Variants in PNPT1 observed in about 807,000 individuals in gnomAD.
PNPT1 encodes the protein polyribonucleotide nucleotidyltransferase 1, mitochondrial.
PNPT1 carries 53 observed loss-of-function variants against 119.5 expected under a neutral mutation model. The observed-to-expected ratio is 0.44, with a 90% CI of 0.36 to 0.56. The LOEUF (loss-of-function observed/expected upper bound fraction) is 0.56. Ranked by LOEUF, PNPT1 falls within the 20% of genes least tolerant of loss-of-function variation. The pLI is 0.00. For synonymous variants in PNPT1, 357 were observed against 322.1 expected, an observed-to-expected ratio of 1.11 and a Z score of -1.16; for missense variants, 948 against 938.5, an observed-to-expected ratio of 1.01 and a Z score of -0.13.
chr2:55,683,884 A>G, intron 4 of PNPT1, 50 bp from the exon 5 acceptor site: 1 of 1,564,538 alleles, frequency 6.4e-7, no homozygotes, highest in East Asian at 2.2e-5. Context: ...GAGTTGCTTT[A>G]CAGTTCAAAA....
At chr2:55,654,024 C>T (rs1257485542) in intron 18 of PNPT1, among the ~76,000 whole-genome samples, 1 of 152,026 alleles carries the variant, frequency 6.6e-6, no homozygotes, top group Non-Finnish European at 1.5e-5. Flanking sequence ...TTTGGGAGGG[C>T]AAGGTGGGTG....
chr2:55,681,555 A>G (rs1391186197), intron 5 of PNPT1, among the ~76,000 whole-genome samples: 2 of 149,788 alleles, frequency 1.3e-5, no homozygotes, highest in East Asian at 4.1e-4. Flanking sequence ...ATATAAAAAT[A>G]TTTTCTAGGC....
chr2:55,655,071 T>G (rs1696342890), intron 17 of PNPT1, 118 bp from the exon 18 acceptor site: 1 of 1,019,904 alleles, frequency 9.8e-7, no homozygotes. Flanking sequence ...AATAGTCTCT[T>G]CTTTTTAAAA....
At chr2:55,660,296 G>A in intron 14 of PNPT1, 103 bp from the exon 15 acceptor site, 2 of 1,212,722 alleles carry the variant, frequency 1.6e-6, no homozygotes, top group East Asian at 2.7e-5. Flanking sequence ...AAAGAACTAG[G>A]TGTTAATGAA....
rs2104004275 is a variant in PNPT1, at chr2:55,634,089, C to G, written c.*2148G>C. ...AGTGTAGAAAGCAAATAAATTTAAT[C>G]TTTCATTTTCAATTAATCTTTAATA... On this transcript the variant is annotated 3_prime_UTR_variant, in exon 28 of 28. Coordinates refer to ENST00000447944, the MANE Select transcript of PNPT1 (RefSeq NM_033109.5). Among the ~76,000 whole-genome samples the G allele has an allele frequency of 6.6e-6, 1 of 152,156 alleles. No homozygotes were observed. The highest frequency in any genetic ancestry group is 1.5e-5 in the Non-Finnish European group (1 of 68,002).
intron 18 of PNPT1, among the ~76,000 whole-genome samples, chr2:55,651,989 T>C (rs72930837): frequency 0.024 from 3,609 of 152,162 alleles, 145 homozygotes; most frequent in African/African-American, 0.082. Context: ...CTGTAACTTC[T>C]TAACTTTGCA....
chr2:55,636,469 A>C, intron 27 of PNPT1, 77 bp from the exon 28 acceptor site: 1 of 1,452,920 alleles, frequency 6.9e-7, no homozygotes, highest in East Asian at 2.3e-5. Flanking sequence ...ATTTAAATTT[A>C]CATGGTCCAA....
At position 55,636,311 on chromosome 2, in the gene PNPT1, C is replaced by T. The variant is rs1340851603; in HGVS notation, c.2278G>A (p.Val760Ile). 6.2e-7 allele frequency: 1 copy of T among 1,613,972 alleles called. No individual in the cohort carries two copies. The highest frequency in any genetic ancestry group is 8.5e-7 in the Non-Finnish European group (1 of 1,179,948). Residue 760 changes from valine to isoleucine, a missense_variant, in exon 28 of 28, where the codon GTC becomes ATC. Val to Ile is a conservative substitution (Grantham distance 29). Coordinates refer to ENST00000447944, the MANE Select transcript of PNPT1 (RefSeq NM_033109.5). ...KVLQSPATTV[V>I]RTLNDRSSIV... ...CTACTTCTGTCATTCAAAGTTCTGA[C>T]CACGGTTGTAGCTGGCGACTGAAGC...
rs554054381 is a variant in PNPT1, at chr2:55,652,587, G to C, written c.1495+2313C>G. Among the ~76,000 whole-genome samples, 13 of 152,222 alleles carry C rather than the reference G, an allele frequency of 8.5e-5. No homozygotes were observed. The East Asian group carries it at 2.5e-3, about 29-fold the overall frequency. On this transcript the variant is annotated intron_variant, in intron 18 of 27. Transcript: ENST00000447944. ...CGTCTTCAACTTGAGATCATTCTCT[G>C]ACCTGTTGATCAGATTAAGCAGTCC...
At chr2:55,685,158 T>A in intron 3 of PNPT1, 110 bp from the exon 4 acceptor site, 1 of 653,918 alleles carries the variant, frequency 1.5e-6, no homozygotes, top group Non-Finnish European at 2.3e-6. Flanking sequence ...AGACTCAGAG[T>A]AGAAAATGTT....
chr2:55,680,393 T>A (rs943676547), intron 7 of PNPT1, among the ~76,000 whole-genome samples: 2 of 147,522 alleles, frequency 1.4e-5, no homozygotes. Flanking sequence ...AATTTCATCC[T>A]GAAGGAGTAT....
intron 18 of PNPT1, among the ~76,000 whole-genome samples, chr2:55,651,378 G>A (rs1049178908): frequency 1.8e-4 from 28 of 152,232 alleles, no homozygotes; most frequent in African/African-American, 6.3e-4. Context: ...TGGTTGCCGT[G>A]TCTGTGTAGA....
intron 15 of PNPT1, among the ~76,000 whole-genome samples, chr2:55,659,473 T>G (rs1239166225): frequency 6.6e-6 from 1 of 151,504 alleles, no homozygotes; most frequent in Admixed American, 6.6e-5. Context: ...GGAGTTGAGG[T>G]ATTTAAAAAA....
chr2:55,676,019 G>T (rs1419838247), intron 8 of PNPT1, among the ~76,000 whole-genome samples: 1 of 152,042 alleles, frequency 6.6e-6, no homozygotes, highest in Non-Finnish European at 1.5e-5. Context: ...CCAGCACTTT[G>T]GGAAGCTGAG....
intron 8 of PNPT1, among the ~76,000 whole-genome samples, chr2:55,675,165 G>A (rs1015016061): frequency 1.3e-5 from 2 of 152,116 alleles, no homozygotes; most frequent in Non-Finnish European, 2.9e-5. Flanking sequence ...CTATTCTAGA[G>A]GCTGAGGCAG....
chr2:55,656,338 C>T lies in PNPT1; in HGVS notation c.1318G>A (p.Val440Ile). Residue 440 changes from valine to isoleucine, a missense_variant, in exon 16 of 28, where the codon GTC becomes ATC. Transcript: ENST00000447944. ...PPYATNEIGKVTGLNRRELGH... is the reference protein window; with the variant it reads ...PPYATNEIGKITGLNRRELGH... ...AGTTCTCTTCTATTTAAACCAGTGA[C>T]TTTGCCAATTTCATTAGTTGCATAA... 6.2e-7 allele frequency: 1 copy of T among 1,609,106 alleles called. No homozygotes were observed. Among genetic ancestry groups the T allele is most frequent in the Non-Finnish European group, 8.5e-7 (1 of 1,178,378 alleles).
At chr2:55,672,304 T>C (rs974373024) in intron 9 of PNPT1, among the ~76,000 whole-genome samples, 1 of 152,242 alleles carries the variant, frequency 6.6e-6, no homozygotes, top group African/African-American at 2.4e-5. Flanking sequence ...AATTGTTCAA[T>C]TAATTTCACC....
At chr2:55,685,814 A>T (rs997042312) in intron 3 of PNPT1, among the ~76,000 whole-genome samples, 3 of 152,218 alleles carry the variant, frequency 2.0e-5, no homozygotes, top group African/African-American at 7.2e-5. Flanking sequence ...AAAACACCAT[A>T]GTATTTGTTT....
intron 18 of PNPT1, among the ~76,000 whole-genome samples, chr2:55,651,273 G>A (rs1233099140): frequency 2.0e-5 from 3 of 152,022 alleles, no homozygotes; most frequent in African/African-American, 7.2e-5. Flanking sequence ...TCTGGGAGGT[G>A]TGCCCAACAG....
Sources: allele counts gnomAD v4.1 joint callset (sites outside exome capture counted in the v4.1 genomes callset), GRCh38; gene constraint gnomAD v4.1.1; transcripts MANE v1.5; gene names NCBI Gene and HGNC (gene_info 2026-07-23, HGNC 2026-07-21).